NELL1: variants seen among roughly 807,000 people sequenced by gnomAD.
NELL1 encodes the protein protein kinase C-binding protein NELL1.
NELL1 carries 76 observed loss-of-function variants against 107.4 expected under a neutral mutation model. The observed-to-expected ratio is 0.71, with a 90% CI of 0.59 to 0.86. The LOEUF (loss-of-function observed/expected upper bound fraction) is 0.86. NELL1 is among the 40% of genes least tolerant of loss of function. NELL1 has a pLI of 0.00. For synonymous variants in NELL1, 353 were observed against 341.2 expected (o/e 1.03, Z -0.38); for missense variants, 1,024 against 1,005.5 (o/e 1.02, Z -0.25).
intron 14 of NELL1, among the ~76,000 whole-genome samples, chr11:21,347,586 G>T (rs1409442967): frequency 6.6e-6 from 1 of 152,126 alleles, no homozygotes; most frequent in African/African-American, 2.4e-5. Flanking sequence ...TGGGCAACAA[G>T]AGCAAAACTC....
intron 15 of NELL1, among the ~76,000 whole-genome samples, chr11:21,381,026 T>C (rs72960087): frequency 0.1 from 15,165 of 152,060 alleles, 953 homozygotes; most frequent in South Asian, 0.17. Context: ...TGAGGACATG[T>C]ATAAGTGTCA....
intron 15 of NELL1, among the ~76,000 whole-genome samples, chr11:21,373,740 A>AC: frequency 6.6e-6 from 1 of 151,948 alleles, no homozygotes; most frequent in East Asian, 1.9e-4. Context: ...ACTTTTCATA[A>AC]CCCCCCTTAA....
At chr11:21,211,569 A>C (rs973412133) in intron 13 of NELL1, among the ~76,000 whole-genome samples, 1 of 152,196 alleles carries the variant, frequency 6.6e-6, no homozygotes, top group Non-Finnish European at 1.5e-5. Context: ...AGTATGAAAA[A>C]TAAATTGCAG....
chr11:21,069,923 T>C (rs564925256), intron 12 of NELL1, among the ~76,000 whole-genome samples: 2 of 152,322 alleles, frequency 1.3e-5, no homozygotes, highest in South Asian at 4.1e-4. Flanking sequence ...GGACACAATG[T>C]CCAACACACA....
At chr11:21,049,646 G>C (rs1423526641) in intron 12 of NELL1, among the ~76,000 whole-genome samples, 1 of 151,912 alleles carries the variant, frequency 6.6e-6, no homozygotes, top group Non-Finnish European at 1.5e-5. Flanking sequence ...TATCTTTAGA[G>C]TCTGCTGCCT....
intron 5 of NELL1, among the ~76,000 whole-genome samples, chr11:20,909,126 C>G (rs1238073821): frequency 6.6e-6 from 1 of 152,016 alleles, no homozygotes; most frequent in Non-Finnish European, 1.5e-5. Flanking sequence ...CAAAAATAGG[C>G]AAATTTATTG....
chr11:21,324,789 A>T (rs1850091930), intron 14 of NELL1, among the ~76,000 whole-genome samples: 2 of 152,076 alleles, frequency 1.3e-5, no homozygotes, highest in African/African-American at 4.8e-5. Context: ...GGGAAGAGAG[A>T]ATAGGTGAGG....
At chr11:21,324,104 G>A (rs1441733979) in intron 14 of NELL1, among the ~76,000 whole-genome samples, 2 of 152,066 alleles carry the variant, frequency 1.3e-5, no homozygotes, top group African/African-American at 2.4e-5. Context: ...CTACCCATGT[G>A]CCAGTCATGG....
intron 14 of NELL1, among the ~76,000 whole-genome samples, chr11:21,282,443 C>T (rs1849018901): frequency 6.9e-6 from 1 of 144,852 alleles, no homozygotes; most frequent in East Asian, 2.0e-4. Flanking sequence ...TCATACCATG[C>T]ACTCCAGCAG....
At chr11:21,458,239 A>G (rs1226124072) in intron 15 of NELL1, among the ~76,000 whole-genome samples, 1 of 151,616 alleles carries the variant, frequency 6.6e-6, no homozygotes, top group Non-Finnish European at 1.5e-5. Flanking sequence ...TAGATATGGT[A>G]AGACTATCTC....
intron 3 of NELL1, among the ~76,000 whole-genome samples, chr11:20,798,911 C>A (rs985427437): frequency 8.0e-6 from 1 of 124,616 alleles, no homozygotes; most frequent in Non-Finnish European, 1.9e-5. Context: ...TCTTTAGCAG[C>A]GAAGGTGTGT....
rs530426190 is a variant in NELL1 at position 21,253,167 on chromosome 11, G to C, written c.1549+23713G>C. On this transcript the variant is annotated intron_variant, in intron 14 of 19. Transcript: ENST00000357134. ...TCCTATTTAAAGGTCAGGATGCCCT[G>C]GGGGAAGGACATACCTATAACCTCT... 2.6e-5 allele frequency among the ~76,000 whole-genome samples: 4 copies of C among 152,162 alleles called. 1 individual carries two copies. The highest frequency in any genetic ancestry group is 6.8e-3 in the Middle Eastern group (2 of 294).
chr11:21,472,952 A>G (rs142690750), intron 15 of NELL1, among the ~76,000 whole-genome samples: 248 of 152,098 alleles, frequency 1.6e-3, no homozygotes, highest in African/African-American at 5.5e-3. Context: ...CCAGATTTAG[A>G]GAATGGAGAC....
intron 12 of NELL1, among the ~76,000 whole-genome samples, chr11:20,964,882 G>A (rs115196616): frequency 0.012 from 1,870 of 152,080 alleles, 41 homozygotes; most frequent in African/African-American, 0.042. Flanking sequence ...ATCCCAGAAT[G>A]AAGATGACAT....
At chr11:20,870,150 T>C (rs879749377) in intron 4 of NELL1, among the ~76,000 whole-genome samples, 2 of 152,140 alleles carry the variant, frequency 1.3e-5, no homozygotes, top group Non-Finnish European at 2.9e-5. Flanking sequence ...GCAGGCATCA[T>C]TTTCTTTATG....
intron 15 of NELL1, among the ~76,000 whole-genome samples, chr11:21,383,334 A>G (rs1286451705): frequency 6.6e-6 from 1 of 151,904 alleles, no homozygotes; most frequent in Non-Finnish European, 1.5e-5. Flanking sequence ...GAAGTTATCT[A>G]TGGGTGGCAG....
chr11:21,337,743 T>TCTTC (rs141062641), intron 14 of NELL1, among the ~76,000 whole-genome samples: 217 of 99,548 alleles, frequency 2.2e-3, no homozygotes, highest in African/African-American at 9.8e-3. Flanking sequence ...TTCCTTTCTT[T>TCTTC]CTTTCTTTCT....
intron 14 of NELL1, among the ~76,000 whole-genome samples, chr11:21,369,023 C>G (rs185461988): frequency 1.3e-3 from 205 of 152,134 alleles, no homozygotes; most frequent in Non-Finnish European, 1.3e-3. Flanking sequence ...TACTTAAAGA[C>G]TGAGTAAATC....
intron 4 of NELL1, among the ~76,000 whole-genome samples, chr11:20,874,164 T>G (rs1849259959): frequency 6.6e-6 from 1 of 152,058 alleles, no homozygotes. Context: ...GCCTCCTGGG[T>G]TTAAGCGATT....
Sources: gnomAD v4.1 joint callset for allele counts (sites outside exome capture counted in the v4.1 genomes callset) on GRCh38, gnomAD v4.1.1 for gene constraint, MANE v1.5 for transcripts, NCBI Gene and HGNC (gene_info 2026-07-23, HGNC 2026-07-21) for gene names.